Variants in SHOC2 observed in about 807,000 individuals in gnomAD.
SHOC2 encodes leucine-rich repeat protein SHOC-2.
A neutral mutation model predicts 50.2 loss-of-function variants in SHOC2; 4 were observed. That is an observed-to-expected ratio of 0.08 (90% CI 0.04 to 0.18). The LOEUF (loss-of-function observed/expected upper bound fraction) is 0.18. Among genes scored for constraint, SHOC2 ranks in the 10% least tolerant of loss-of-function variants. SHOC2 has a pLI of 1.00. For synonymous variants in SHOC2, 218 were observed against 244.5 expected, an observed-to-expected ratio of 0.89 and a Z score of 1.01; for missense variants, 388 against 669.6, an observed-to-expected ratio of 0.58 and a Z score of 4.64.
chr10:111,006,726 A>G (rs1251851052), intron 5 of SHOC2, among the ~76,000 whole-genome samples: 2 of 152,196 alleles, frequency 1.3e-5, no homozygotes, highest in Non-Finnish European at 2.9e-5. Context: ...TGCCACTGAG[A>G]GGTAGCATCA....
intron 2 of SHOC2, among the ~76,000 whole-genome samples, chr10:110,973,743 G>A (rs570850224): frequency 1.3e-5 from 2 of 151,862 alleles, no homozygotes; most frequent in East Asian, 3.9e-4. Context: ...TAGTTATTCA[G>A]GTTTTCTATT....
chr10:110,923,128 A>G (rs1276458458), intron 1 of SHOC2, among the ~76,000 whole-genome samples: 1 of 151,998 alleles, frequency 6.6e-6, no homozygotes, highest in African/African-American at 2.4e-5. Context: ...TACTTGTTAC[A>G]CTGCATCAAA....
chr10:111,009,876 T>A, intron 8 of SHOC2, 46 bp downstream of exon 8: 1 of 1,005,080 alleles, frequency 9.9e-7, no homozygotes, highest in Non-Finnish European at 1.6e-6. Context: ...AATTTGCTCT[T>A]GTGCATTCAA....
At chr10:111,000,335 A>C in intron 3 of SHOC2, 80 bp from the exon 4 acceptor site, 1 of 1,388,664 alleles carries the variant, frequency 7.2e-7, no homozygotes, top group Non-Finnish European at 1.0e-6. Context: ...ATTTGTAAAT[A>C]GTTAGTAGAT....
chr10:110,974,825 A>G (rs1590811804), intron 2 of SHOC2, among the ~76,000 whole-genome samples: 1 of 152,320 alleles, frequency 6.6e-6, no homozygotes, highest in East Asian at 1.9e-4. Flanking sequence ...TATTGTCAAT[A>G]CATTTTACTT....
intron 3 of SHOC2, among the ~76,000 whole-genome samples, chr10:110,986,725 C>T (rs555699411): frequency 6.6e-6 from 1 of 152,292 alleles, no homozygotes; most frequent in Admixed American, 6.5e-5. Flanking sequence ...ATCTGCCTGC[C>T]TCTGCCTCCC....
At chr10:110,927,131 T>TG (rs1037024474) in intron 1 of SHOC2, among the ~76,000 whole-genome samples, 2 of 152,214 alleles carry the variant, frequency 1.3e-5, no homozygotes, top group Admixed American at 1.3e-4. Flanking sequence ...TCCTTGGCAT[T>TG]GCCTGGTTAA....
upstream of SHOC2, chr10:110,919,395 A>C: frequency 7.7e-6 from 3 of 387,368 alleles, no homozygotes; most frequent in East Asian, 7.3e-5. Context: ...GAGAGAGAGA[A>C]GCTGGCGGCA....
Position 110,965,018 on chromosome 10 carries a change from T to C in SHOC2, c.660T>C (p.Leu220=), listed in dbSNP as rs1342653646. 3 of 1,613,774 alleles carry C rather than the reference T, an allele frequency of 1.9e-6. No homozygotes were observed. The highest frequency in any genetic ancestry group is 2.5e-6 in the Non-Finnish European group (3 of 1,179,760). ...DIKNLSKLSM[L]SIRENKIKQL... ...AAAACTTGTCAAAACTCAGCATGCT[T>C]AGCATTCGAGAGAACAAAATTAAAC... Residue 220 remains leucine, a synonymous_variant, in exon 2 of 9, where the codon CTT becomes CTC. Transcript: ENST00000369452.
intron 3 of SHOC2, among the ~76,000 whole-genome samples, chr10:110,992,530 T>C (rs956466456): frequency 1.3e-5 from 2 of 152,208 alleles, no homozygotes; most frequent in Non-Finnish European, 2.9e-5. Context: ...AAAAATACTT[T>C]ACTTTGTATT....
chr10:111,009,603 C>A, intron 7 of SHOC2, 110 bp from the exon 8 acceptor site: 1 of 826,486 alleles, frequency 1.2e-6, no homozygotes, highest in Non-Finnish European at 2.0e-6. Context: ...TCATTCTATC[C>A]AATCTGGTTT....
intron 3 of SHOC2, among the ~76,000 whole-genome samples, chr10:110,991,175 A>G (rs974993235): frequency 1.3e-5 from 2 of 152,188 alleles, no homozygotes; most frequent in Non-Finnish European, 2.9e-5. Context: ...TAACAGTCAA[A>G]GGGGCATGCG....
intron 6 of SHOC2, among the ~76,000 whole-genome samples, chr10:111,007,935 C>A (rs1325879431): frequency 6.6e-6 from 1 of 151,744 alleles, no homozygotes; most frequent in East Asian, 1.9e-4. Flanking sequence ...TCTTTTAGAA[C>A]AATTTTTTTC....
chr10:110,959,550 G>T (rs1026789487), intron 1 of SHOC2, among the ~76,000 whole-genome samples: 3 of 152,172 alleles, frequency 2.0e-5, no homozygotes, highest in Non-Finnish European at 4.4e-5. Context: ...CCTTTATCAT[G>T]TTTAGCATGG....
chr10:110,998,905 C>T (rs191281664), intron 3 of SHOC2, among the ~76,000 whole-genome samples: 1 of 152,200 alleles, frequency 6.6e-6, no homozygotes, highest in Admixed American at 6.5e-5. Flanking sequence ...TAAGGAGTGC[C>T]CTCTTAAGGT....
chr10:110,965,095 T>C, intron 2 of SHOC2, 34 bp downstream of exon 2: 1 of 1,575,000 alleles, frequency 6.3e-7, no homozygotes, highest in Non-Finnish European at 8.7e-7. Context: ...ATTTGTAGTA[T>C]TTGTTATGCT....
At chr10:110,938,770 G>A (rs1250708697) in intron 1 of SHOC2, among the ~76,000 whole-genome samples, 1 of 152,174 alleles carries the variant, frequency 6.6e-6, no homozygotes, top group Non-Finnish European at 1.5e-5. Flanking sequence ...TTTGGGAAAT[G>A]CTGAGAATAT....
In SHOC2 at chr10:111,007,615, A is replaced by G. The variant is rs1427713799; in HGVS notation, c.1246A>G (p.Lys416Glu). 2 of 1,613,764 alleles carry G rather than the reference A, an allele frequency of 1.2e-6. No individual in the cohort carries two copies. Among genetic ancestry groups the G allele is most frequent in the Non-Finnish European group, 1.7e-6 (2 of 1,179,776 alleles). The part of the protein sequence containing the change: ...ELNLATNQLT[K>E]IPEDVSGLVS... ...GAATTTAGCCACTAATCAGCTCACA[A>G]AGATCCCTGAGGATGTGTCTGGTCT... is the stretch of plus-strand genomic sequence containing the variant. The change falls in exon 6 of 9, where the codon AAG becomes GAG. Residue 416 changes from lysine to glutamate, a missense_variant. Physicochemically the swap from Lys to Glu is moderately conservative, Grantham distance 56 (BLOSUM62 1). Coordinates refer to ENST00000369452, the MANE Select transcript of SHOC2 (RefSeq NM_007373.4).
At chr10:110,981,340 T>C (rs1847972746) in intron 2 of SHOC2, among the ~76,000 whole-genome samples, 1 of 152,224 alleles carries the variant, frequency 6.6e-6, no homozygotes, top group Non-Finnish European at 1.5e-5. Context: ...TAATTTTTTG[T>C]CTGAATGAAT....
Sources: gnomAD v4.1 joint callset for allele counts (sites outside exome capture counted in the v4.1 genomes callset) on GRCh38, gnomAD v4.1.1 for gene constraint, MANE v1.5 for transcripts, NCBI Gene and HGNC (gene_info 2026-07-23, HGNC 2026-07-21) for gene names.